The following ANO3 variants were observed in gnomAD, a reference collection of about 807,000 sequenced individuals.
ANO3 encodes anoctamin 3, also known as anoctamin-3.
ANO3 carries 99 observed loss-of-function variants against 144.8 expected under a neutral mutation model. The ratio of observed to expected loss-of-function variants is 0.68; its 90% CI spans 0.58 to 0.81. ANO3 has a LOEUF of 0.81. Among genes scored for constraint, ANO3 ranks in the 30% least tolerant of loss-of-function variants. ANO3 has a pLI of 0.00. For synonymous variants in ANO3, 414 were observed against 392.6 expected (o/e 1.05, Z -0.64); for missense variants, 905 against 1,202.2 (o/e 0.75, Z 3.66).
At chr11:26,657,183 G>T (rs1470542233) in intron 26 of ANO3, among the ~76,000 whole-genome samples, 2 of 152,072 alleles carry the variant, frequency 1.3e-5, no homozygotes, top group Non-Finnish European at 2.9e-5. Context: ...TCAGAGAAAA[G>T]GTAGCTATGA....
intron 1 of ANO3, among the ~76,000 whole-genome samples, chr11:26,189,693 G>T (rs990048152): frequency 3.3e-5 from 5 of 152,042 alleles, no homozygotes; most frequent in African/African-American, 1.2e-4. Context: ...GAAAACACTT[G>T]CCATTTTAAT....
intron 1 of ANO3, among the ~76,000 whole-genome samples, chr11:26,381,452 G>A (rs752068940): frequency 1.3e-4 from 19 of 151,988 alleles, no homozygotes; most frequent in Admixed American, 1.1e-3. Context: ...TTCCTACTAC[G>A]CCTACACTTT....
chr11:26,405,795 G>A (rs1009137775), intron 1 of ANO3, among the ~76,000 whole-genome samples: 7 of 151,846 alleles, frequency 4.6e-5, no homozygotes, highest in Admixed American at 6.6e-5. Context: ...TCAGATTCTC[G>A]GACCCTTCCC....
chr11:26,266,672 G>T (rs1338184360), intron 1 of ANO3, among the ~76,000 whole-genome samples: 1 of 151,550 alleles, frequency 6.6e-6, no homozygotes, highest in Non-Finnish European at 1.5e-5. Context: ...TGACATTGTG[G>T]TCCACCCGCC....
intron 1 of ANO3, among the ~76,000 whole-genome samples, chr11:26,361,370 A>G (rs1362239320): frequency 6.6e-6 from 1 of 152,196 alleles, no homozygotes; most frequent in African/African-American, 2.4e-5. Flanking sequence ...AGCAAACAGC[A>G]TTTGGAAGAG....
intron 1 of ANO3, among the ~76,000 whole-genome samples, chr11:26,208,512 C>CAAAAAAAAAAAAAAAAAAAA (rs67196052): frequency 6.6e-5 from 8 of 121,750 alleles, no homozygotes; most frequent in African/African-American, 2.7e-4. Flanking sequence ...GACTCCGTCT[C>CAAAAAAAAAAAAAAAAAAAA]AAAAAAAAAA....
Position 26,312,583 on chromosome 11 carries a change from C to A in ANO3, c.-3+2864C>A, listed in dbSNP as rs544431035. On this transcript the variant is annotated intron_variant, in intron 1 of 26. Coordinates refer to the ANO3 transcript ENST00000525139. ...CTCATTATGGTTTTGATTTGCATTT[C>A]TCTGATGGTCAGTGATGATGAGAAT... is the stretch of plus-strand genomic sequence containing the variant. 1.1e-3 allele frequency among the ~76,000 whole-genome samples: 174 copies of A among 152,318 alleles called. 1 individual carries two copies. In the Middle Eastern group the frequency reaches 0.017, roughly 15 times the overall value.
chr11:26,309,247 T>A (rs1854453585), upstream of ANO3, among the ~76,000 whole-genome samples: 1 of 152,162 alleles, frequency 6.6e-6, no homozygotes, highest in South Asian at 2.1e-4. Context: ...ATAATTCCGG[T>A]GATTTAGCAT....
chr11:26,438,610 A>AAAAAAAAAAAAAAAAAAAAAAAAAAAG (rs1565024969), intron 1 of ANO3, among the ~76,000 whole-genome samples: 1 of 73,862 alleles, frequency 1.4e-5, no homozygotes, highest in Non-Finnish European at 2.5e-5. Context: ...AAAAAAAAAG[A>AAAAAAAAAAAAAAAAAAAAAAAAAAAG]AAAAAAAAAA....
chr11:26,581,106 C>T (rs1851116667), intron 14 of ANO3, among the ~76,000 whole-genome samples: 1 of 152,124 alleles, frequency 6.6e-6, no homozygotes, highest in Admixed American at 6.5e-5. Context: ...TTCAGCATTC[C>T]AGCCAAGTAA....
intron 1 of ANO3, among the ~76,000 whole-genome samples, chr11:26,200,142 A>G (rs1169096371): frequency 6.6e-6 from 1 of 152,138 alleles, no homozygotes; most frequent in Admixed American, 6.6e-5. Flanking sequence ...CCCAAAAGAA[A>G]CAGAGCCGAG....
At chr11:26,290,550 G>A (rs532031410) in intron 1 of ANO3, among the ~76,000 whole-genome samples, 1 of 152,320 alleles carries the variant, frequency 6.6e-6, no homozygotes, top group African/African-American at 2.4e-5. Flanking sequence ...TACATTTAGT[G>A]CTATAAATTT....
At chr11:26,332,818 C>A (rs1033978427) in intron 1 of ANO3, among the ~76,000 whole-genome samples, 7 of 152,104 alleles carry the variant, frequency 4.6e-5, no homozygotes, top group African/African-American at 1.7e-4. Context: ...TCTGTCACTT[C>A]CTTGGGAAAA....
At chr11:26,650,553 G>C (rs1196868616) in intron 24 of ANO3, among the ~76,000 whole-genome samples, 3 of 152,158 alleles carry the variant, frequency 2.0e-5, no homozygotes, top group Non-Finnish European at 4.4e-5. Context: ...GTTTCTGGTA[G>C]TTTTGCATAA....
intron 18 of ANO3, among the ~76,000 whole-genome samples, chr11:26,625,980 A>G (rs10835029): frequency 0.29 from 44,223 of 152,076 alleles, 6,776 homozygotes; most frequent in South Asian, 0.45. Context: ...CCATGTTCCT[A>G]GGTATGAAAC....
chr11:26,329,331 G>C (rs199868970), upstream of ANO3, among the ~76,000 whole-genome samples: 7,970 of 43,466 alleles, frequency 0.18, 234 homozygotes, highest in Admixed American at 0.28. Context: ...CACACACAGA[G>C]AGAGAGAGAG....
At chr11:26,504,380 ATATT>A (rs149123706) in intron 4 of ANO3, among the ~76,000 whole-genome samples, 7,293 of 152,108 alleles carry the variant, frequency 0.048, 222 homozygotes, top group East Asian at 0.12. Context: ...CTTTCTATAA[ATATT>A]TATTGATGCC....
chr11:26,212,487 C>G (rs1466951044), intron 1 of ANO3, among the ~76,000 whole-genome samples: 1 of 151,940 alleles, frequency 6.6e-6, no homozygotes, highest in Non-Finnish European at 1.5e-5. Flanking sequence ...AAACTACCAT[C>G]AGAGAATACT....
At chr11:26,401,688 C>T (rs1857150750) in intron 1 of ANO3, among the ~76,000 whole-genome samples, 1 of 151,842 alleles carries the variant, frequency 6.6e-6, no homozygotes, top group South Asian at 2.1e-4. Flanking sequence ...ACCAGCCTGG[C>T]CAAAATGGTA....
Sources: gnomAD v4.1 joint callset for allele counts (sites outside exome capture counted in the v4.1 genomes callset) on GRCh38, gnomAD v4.1.1 for gene constraint, MANE v1.5 for transcripts, NCBI Gene and HGNC (gene_info 2026-07-23, HGNC 2026-07-21) for gene names.